Variants in SLC16A9 observed in about 807,000 individuals in gnomAD.
The protein encoded by SLC16A9 is solute carrier family 16 member 9.
In SLC16A9, 26 loss-of-function variants were observed where a neutral mutation model predicts 44.3. That is an observed-to-expected ratio of 0.59 (90% CI 0.43 to 0.81). SLC16A9 has a LOEUF of 0.81. Ranked by LOEUF, SLC16A9 falls within the 40% of genes least tolerant of loss-of-function variation. SLC16A9 has a pLI of 0.00. For missense variants in SLC16A9, 559 were observed against 595.8 expected (o/e 0.94, Z 0.64); for synonymous variants, 230 against 225.1 (o/e 1.02, Z -0.19).
chr10:59,703,764 G>T (rs1410597420), intron 1 of SLC16A9, among the ~76,000 whole-genome samples: 1 of 151,710 alleles, frequency 6.6e-6, no homozygotes, highest in Non-Finnish European at 1.5e-5. Flanking sequence ...TGTCGCCCAG[G>T]CCGGAGTGCA....
In SLC16A9 at chr10:59,681,103, T is replaced by G. The variant is rs539109379; in HGVS notation, c.196+2993A>C. ...TATGCTGAAATGGTCCCATAGATGA[T>G]CCTAATTATCTCCCTGGCTAAGAAC... On this transcript the variant is annotated intron_variant, in intron 2 of 5. Transcript: ENST00000395348. Among the ~76,000 whole-genome samples the G allele has an allele frequency of 2.0e-5, 3 of 152,206 alleles. No homozygotes were observed. In the South Asian group the frequency reaches 6.2e-4, roughly 32 times the overall value.
At chr10:59,653,162 G>A (rs988485039) in intron 5 of SLC16A9, among the ~76,000 whole-genome samples, 1 of 152,032 alleles carries the variant, frequency 6.6e-6, no homozygotes, top group Non-Finnish European at 1.5e-5. Flanking sequence ...GCTCACGCCT[G>A]TAAACCCAGC....
At position 59,652,615 on chromosome 10, in the gene SLC16A9, T is replaced by C. The variant is rs1333959281; in HGVS notation, c.*157A>G. ...GGCTACGCATACACTACATAAAAAA[T>C]AGGATATATAAAAAAAAATAATTCA... On this transcript the variant is annotated 3_prime_UTR_variant, in exon 6 of 6. Coordinates refer to ENST00000395348, the MANE Select transcript of SLC16A9 (RefSeq NM_194298.3). 52 of 635,632 alleles carry C rather than the reference T, an allele frequency of 8.2e-5. No individual in the cohort carries two copies. The highest frequency in any genetic ancestry group is 5.2e-6 in the Non-Finnish European group (2 of 385,368). The allele number at this position is 635,632 out of a possible 1,614,324, so 39.4% of individuals were successfully genotyped here.
chr10:59,659,582 A>G (rs558628805), intron 4 of SLC16A9, among the ~76,000 whole-genome samples: 1 of 152,260 alleles, frequency 6.6e-6, no homozygotes, highest in South Asian at 2.1e-4. Flanking sequence ...TCAATACTGG[A>G]CAGATCAATG....
chr10:59,683,955 G>T, intron 2 of SLC16A9, 141 bp downstream of exon 2: 2 of 578,996 alleles, frequency 3.5e-6, no homozygotes, highest in Non-Finnish European at 5.6e-6. Context: ...TACAGTGAAA[G>T]TACAATCATT....
At chr10:59,682,184 C>G (rs981226411) in intron 2 of SLC16A9, among the ~76,000 whole-genome samples, 4 of 152,068 alleles carry the variant, frequency 2.6e-5, no homozygotes, top group African/African-American at 9.7e-5. Flanking sequence ...CCCTAACTCT[C>G]TGGTCCCTAC....
chr10:59,694,000 C>T (rs1430090502), intron 1 of SLC16A9, among the ~76,000 whole-genome samples: 35 of 142,558 alleles, frequency 2.5e-4, no homozygotes, highest in East Asian at 2.4e-3. Flanking sequence ...TGCAGTGGCG[C>T]TATCTCGGCT....
chr10:59,652,581 C>A lies in SLC16A9; in HGVS notation c.*191G>T. On this transcript the variant is annotated 3_prime_UTR_variant, in exon 6 of 6. Transcript: ENST00000395348. The stretch of plus-strand genomic sequence containing the variant: ...TGGGGAGGAGAAATAGAAAAAAATA[C>A]GAGATAGAGGCTACGCATACACTAC... 1 of 464,280 alleles carries A rather than the reference C, an allele frequency of 2.2e-6. No homozygotes were observed. 28.8% of individuals were successfully genotyped at this position (464,280 alleles called of 1,614,324 possible).
At chr10:59,701,596 C>A (rs772127671) in intron 1 of SLC16A9, among the ~76,000 whole-genome samples, 1 of 152,026 alleles carries the variant, frequency 6.6e-6, no homozygotes, top group Non-Finnish European at 1.5e-5. Context: ...AAAATGAAAG[C>A]ATTGGTTTTA....
At chr10:59,664,586 T>C (rs760302492) in intron 3 of SLC16A9, among the ~76,000 whole-genome samples, 8 of 152,168 alleles carry the variant, frequency 5.3e-5, no homozygotes, top group Non-Finnish European at 1.2e-4. Context: ...AACGCCAATG[T>C]AAATTAAGAG....
At chr10:59,696,498 G>A (rs1414136601) in intron 1 of SLC16A9, among the ~76,000 whole-genome samples, 2 of 152,172 alleles carry the variant, frequency 1.3e-5, no homozygotes, top group African/African-American at 2.4e-5. Context: ...CCAAAGTGCC[G>A]AGATTGCAGC....
chr10:59,690,562 C>T (rs1033889042), intron 1 of SLC16A9, among the ~76,000 whole-genome samples: 6 of 152,176 alleles, frequency 3.9e-5, no homozygotes, highest in Admixed American at 2.0e-4. Context: ...AGAGGAATAA[C>T]ATGAACATAC....
At chr10:59,677,847 C>CT (rs907612247) in intron 2 of SLC16A9, among the ~76,000 whole-genome samples, 37 of 147,874 alleles carry the variant, frequency 2.5e-4, no homozygotes, top group Admixed American at 6.8e-4. Context: ...CCTCCACGCA[C>CT]TTTTTTTTTT....
At chr10:59,688,817 A>G (rs1298635969) in intron 1 of SLC16A9, among the ~76,000 whole-genome samples, 1 of 151,590 alleles carries the variant, frequency 6.6e-6, no homozygotes, top group African/African-American at 2.4e-5. Flanking sequence ...AAAAGTACAC[A>G]TTTATAGAGA....
At chr10:59,685,111 A>G (rs2132495812) in intron 1 of SLC16A9, among the ~76,000 whole-genome samples, 1 of 152,264 alleles carries the variant, frequency 6.6e-6, no homozygotes, top group East Asian at 1.9e-4. Flanking sequence ...AATATTTTCA[A>G]TGTCTCTCTT....
chr10:59,658,384 A>T (rs2132408341), intron 4 of SLC16A9, among the ~76,000 whole-genome samples: 1 of 152,206 alleles, frequency 6.6e-6, no homozygotes, highest in African/African-American at 2.4e-5. Context: ...AAAAATTCAA[A>T]TATTTTAAAG....
In SLC16A9 at chr10:59,654,287, A is replaced by C. The variant is rs1233255267; in HGVS notation, c.739T>G (p.Trp247Gly). The change falls in exon 5 of 6, where the codon TGG becomes GGG. Residue 247 changes from tryptophan to glycine, a missense_variant. Trp to Gly is a radical substitution (Grantham distance 184). Coordinates refer to ENST00000395348, the MANE Select transcript of SLC16A9 (RefSeq NM_194298.3). ...TTATGAAGTAGGCTGTCTTGTTTCC[A>C]GTCACCATTGGCTAACGTGATCCTG... The part of the protein sequence containing the change: ...KCRITLANGD[W>G]KQDSLLHKNP... 2 of 1,614,022 alleles carry C rather than the reference A, an allele frequency of 1.2e-6. No individual in the cohort carries two copies. Among genetic ancestry groups the C allele is most frequent in the Non-Finnish European group, 1.7e-6 (2 of 1,180,034 alleles).
chr10:59,661,030 A>G (rs1380303466), intron 4 of SLC16A9, among the ~76,000 whole-genome samples: 3 of 152,196 alleles, frequency 2.0e-5, no homozygotes, highest in Non-Finnish European at 4.4e-5. Context: ...ATTTCTGACA[A>G]ACCGACAGCC....
In SLC16A9 at chr10:59,653,687, G is replaced by A; in HGVS notation, c.1339C>T (p.Pro447Ser). The part of the protein sequence containing the change: ...FFAGLGNSLG[P>S]PIVGWFYDWT... ...ATAAATATCTTACCAACGATGGGTG[G>A]TCCTAGGCTATTTCCAAGTCCAGCA... Residue 447 changes from proline to serine, a missense_variant, in exon 5 of 6, where the codon CCA becomes TCA. Coordinates refer to ENST00000395348, the MANE Select transcript of SLC16A9 (RefSeq NM_194298.3). 1 of 1,612,786 alleles carries A rather than the reference G, an allele frequency of 6.2e-7. No individual in the cohort carries two copies. Among genetic ancestry groups the A allele is most frequent in the South Asian group, 1.1e-5 (1 of 90,992 alleles).
Sources: allele counts gnomAD v4.1 joint callset (sites outside exome capture counted in the v4.1 genomes callset), GRCh38; gene constraint gnomAD v4.1.1; transcripts MANE v1.5; gene names NCBI Gene and HGNC (gene_info 2026-07-23, HGNC 2026-07-21).